Variants in EXT1 observed in about 807,000 individuals in gnomAD.
The protein encoded by EXT1 is exostosin-1.
Under a neutral mutation model 82.5 loss-of-function variants are expected in EXT1, and 20 were observed. That is an observed-to-expected ratio of 0.24 (90% confidence interval 0.17 to 0.35). The LOEUF is 0.35. EXT1 is among the 10% of genes least tolerant of loss of function. EXT1 has a pLI of 1.00. For missense variants in EXT1, 757 were observed against 936.5 expected (o/e 0.81, Z 2.50); for synonymous variants, 348 against 350.8 (o/e 0.99, Z 0.09).
intron 1 of EXT1, among the ~76,000 whole-genome samples, chr8:118,086,308 C>A (rs1038219244): frequency 2.0e-5 from 3 of 152,084 alleles, no homozygotes; most frequent in Non-Finnish European, 4.4e-5. Flanking sequence ...TTTAGGTAAA[C>A]CATTTTAGGA....
At chr8:117,816,182 G>C (rs578216095) in intron 7 of EXT1, among the ~76,000 whole-genome samples, 1 of 152,020 alleles carries the variant, frequency 6.6e-6, no homozygotes, top group African/African-American at 2.4e-5. Flanking sequence ...TACATATTAT[G>C]ACTCTTTCCA....
chr8:117,978,569 G>A (rs766421528), intron 1 of EXT1, among the ~76,000 whole-genome samples: 16 of 152,170 alleles, frequency 1.1e-4, no homozygotes, highest in Non-Finnish European at 2.1e-4. Context: ...ATGAGGTGGA[G>A]TAGGGAAGAG....
chr8:117,984,136 T>C (rs890421003), intron 1 of EXT1, among the ~76,000 whole-genome samples: 1 of 152,162 alleles, frequency 6.6e-6, no homozygotes, highest in African/African-American at 2.4e-5. Context: ...ATGTGGCAAC[T>C]GGCCGAGCAC....
chr8:117,913,257 T>C (rs1239851947), intron 1 of EXT1, among the ~76,000 whole-genome samples: 1 of 152,036 alleles, frequency 6.6e-6, no homozygotes, highest in Non-Finnish European at 1.5e-5. Flanking sequence ...GAGAACACAA[T>C]GCATGCCAGG....
intron 1 of EXT1, among the ~76,000 whole-genome samples, chr8:117,894,220 G>C (rs1813296618): frequency 6.6e-6 from 1 of 151,176 alleles, no homozygotes; most frequent in South Asian, 2.1e-4. Flanking sequence ...TTTTGTTGTT[G>C]TTGAGATGAG....
chr8:118,071,354 G>A (rs1179682376), intron 1 of EXT1, among the ~76,000 whole-genome samples: 9 of 152,234 alleles, frequency 5.9e-5, no homozygotes, highest in East Asian at 3.9e-4. Flanking sequence ...CTTTGTTTGC[G>A]CTGACACAGT....
In EXT1 at chr8:118,110,396, G is replaced by GCAAA. The variant is rs1447088743; in HGVS notation, c.650_651insTTTG (p.Lys218LeufsTer8). ...AGTTTTCAGTACTGATGCTGGCTTT[G>GCAAA]GCCAGCATCGCCTGGCCGATGTCAA... On this transcript the variant is annotated frameshift_variant, in exon 1 of 11. Coordinates refer to ENST00000378204, the MANE Select transcript of EXT1 (RefSeq NM_000127.3). LOFTEE classifies it high-confidence loss of function. 1 of 1,613,996 alleles carries GCAAA rather than the reference G, an allele frequency of 6.2e-7. No individual in the cohort carries two copies. The highest frequency in any genetic ancestry group is 1.3e-5 in the African/African-American group (1 of 74,916).
At chr8:117,893,568 T>A (rs1813284498) in intron 1 of EXT1, among the ~76,000 whole-genome samples, 1 of 152,104 alleles carries the variant, frequency 6.6e-6, no homozygotes, top group Non-Finnish European at 1.5e-5. Context: ...CACAGTAACA[T>A]CAATTCAAGA....
intron 1 of EXT1, among the ~76,000 whole-genome samples, chr8:117,971,089 T>C (rs1814930024): frequency 6.6e-6 from 1 of 152,144 alleles, no homozygotes; most frequent in Non-Finnish European, 1.5e-5. Flanking sequence ...GGACACCAGG[T>C]GTGCACATAG....
chr8:117,825,209 T>C (rs1361443461), intron 4 of EXT1, among the ~76,000 whole-genome samples: 1 of 152,190 alleles, frequency 6.6e-6, no homozygotes, highest in East Asian at 1.9e-4. Flanking sequence ...AGGGTATAAA[T>C]ACTTTTAAGG....
intron 1 of EXT1, among the ~76,000 whole-genome samples, chr8:117,846,274 A>T (rs1403390822): frequency 6.6e-6 from 1 of 151,786 alleles, no homozygotes; most frequent in Admixed American, 6.6e-5. Context: ...TGCTCAGTTA[A>T]TTTTTGTATT....
chr8:117,910,260 G>A (rs1813620617), intron 1 of EXT1, among the ~76,000 whole-genome samples: 1 of 152,170 alleles, frequency 6.6e-6, no homozygotes, highest in Non-Finnish European at 1.5e-5. Flanking sequence ...GAGGTCAAAG[G>A]GGGCTGCTGA....
At chr8:117,876,497 T>C (rs1395995029) in intron 1 of EXT1, among the ~76,000 whole-genome samples, 1 of 152,204 alleles carries the variant, frequency 6.6e-6, no homozygotes, top group Non-Finnish European at 1.5e-5. Flanking sequence ...TGTGGTCCAA[T>C]GGGAATTTTA....
rs1228408139 is a variant in EXT1, at chr8:117,858,799, GC to G, written c.963-21599del. 7.3e-3 allele frequency among the ~76,000 whole-genome samples: 605 copies of G among 82,930 alleles called. 38 individuals carry two copies. Among genetic ancestry groups the G allele is most frequent in the African/African-American group, 0.023 (435 of 18,564 alleles). The allele number at this position is 82,930 out of a possible 152,430, so 54.4% of individuals were successfully genotyped here. A position where few individuals can be genotyped will look rare whatever the true frequency, so the allele number is the denominator to read the frequency against. On this transcript the variant is annotated intron_variant, in intron 1 of 10. Transcript: ENST00000378204. ...CAGGCAGGCAGGCAGGCAAGGCAAG[GC>G]AAGGCAAGGCAGGAAGGAAGGAAGG...
At chr8:117,997,314 AT>A (rs201090471) in intron 1 of EXT1, among the ~76,000 whole-genome samples, 1,783 of 147,576 alleles carry the variant, frequency 0.012, 46 homozygotes, top group African/African-American at 0.04. Flanking sequence ...TATATATATA[AT>A]TTTTTTTAAC....
chr8:117,987,083 G>A (rs899908117), intron 1 of EXT1, among the ~76,000 whole-genome samples: 8 of 152,186 alleles, frequency 5.3e-5, no homozygotes, highest in Non-Finnish European at 1.0e-4. Context: ...ATTCTCCAAG[G>A]AACTTATGGT....
chr8:117,902,582 T>TATG (rs10674196), intron 1 of EXT1, among the ~76,000 whole-genome samples: 46,866 of 151,912 alleles, frequency 0.31, 7,512 homozygotes, highest in East Asian at 0.36. Flanking sequence ...CATGCATTGT[T>TATG]ATAATTAGCT....
chr8:118,027,754 A>G (rs1816230630), intron 1 of EXT1, among the ~76,000 whole-genome samples: 1 of 152,220 alleles, frequency 6.6e-6, no homozygotes, highest in Non-Finnish European at 1.5e-5. Context: ...CTTCCAGTGC[A>G]TTATGAGCAC....
intron 1 of EXT1, among the ~76,000 whole-genome samples, chr8:117,892,668 TG>T (rs1813265605): frequency 6.6e-6 from 1 of 151,974 alleles, no homozygotes. Context: ...TGGGCCAAGG[TG>T]GGAAATGGAA....
Sources: allele counts gnomAD v4.1 joint callset (sites outside exome capture counted in the v4.1 genomes callset), GRCh38; gene constraint gnomAD v4.1.1; transcripts MANE v1.5; gene names NCBI Gene and HGNC (gene_info 2026-07-23, HGNC 2026-07-21).